KIRREL3: variants seen among roughly 807,000 people sequenced by gnomAD.
The protein encoded by KIRREL3 is kin of IRRE-like protein 3.
Under a neutral mutation model 89.7 loss-of-function variants are expected in KIRREL3, and 36 were observed. The ratio of observed to expected loss-of-function variants is 0.40; its 90% CI spans 0.31 to 0.53. The LOEUF (loss-of-function observed/expected upper bound fraction) is 0.53. Among genes scored for constraint, KIRREL3 ranks in the 20% least tolerant of loss-of-function variants. The pLI is 0.49. For synonymous variants in KIRREL3, 445 were observed against 441.4 expected, an observed-to-expected ratio of 1.01 and a Z score of -0.10; for missense variants, 864 against 1,056.6, an observed-to-expected ratio of 0.82 and a Z score of 2.53.
At chr11:126,854,542 T>C (rs1042414252) in intron 1 of KIRREL3, among the ~76,000 whole-genome samples, 1 of 152,240 alleles carries the variant, frequency 6.6e-6, no homozygotes, top group South Asian at 2.1e-4. Context: ...TGTTGTAGCA[T>C]GGGCCAGAAT....
chr11:126,520,871 C>T lies in KIRREL3; in HGVS notation c.433+444G>A, dbSNP rs553140204. 9.9e-5 allele frequency among the ~76,000 whole-genome samples: 15 copies of T among 152,140 alleles called. No homozygotes were observed. The highest frequency in any genetic ancestry group is 5.8e-4 in the East Asian group (3 of 5,170). ...TGGATACTAGAATCATGGGGAGAAT[C>T]GGGCTGATTCTACAGAGAAGGTGGA... On this transcript the variant is annotated intron_variant, in intron 4 of 16. Transcript: ENST00000525144. The surrounding 1 kb of genome is among the most constrained non-coding windows in gnomAD (Gnocchi z 4.9).
rs1957537909 is a variant in KIRREL3, at chr11:126,492,186, C to T, written c.434-18720G>A. Among the ~76,000 whole-genome samples the T allele has an allele frequency of 6.6e-6, 1 of 152,166 alleles. No individual in the cohort carries two copies. The highest frequency in any genetic ancestry group is 1.5e-5 in the Non-Finnish European group (1 of 68,030). On this transcript the variant is annotated intron_variant, in intron 4 of 16. Transcript: ENST00000525144. This position sits in a 1 kb window ranked among gnomAD's most constrained non-coding sequence, Gnocchi z 4.8. ...GATGATCTATAGACAGTCTCCTCTT[C>T]ACTGAAAGGGGAAGATGGGCTCAGG...
intron 1 of KIRREL3, among the ~76,000 whole-genome samples, chr11:126,784,157 G>A (rs1950411925): frequency 6.6e-6 from 1 of 152,190 alleles, no homozygotes; most frequent in Non-Finnish European, 1.5e-5. Flanking sequence ...GTGGTATCCT[G>A]GATGAGCCCC....
chr11:126,671,740 A>T (rs1945961520), intron 1 of KIRREL3, among the ~76,000 whole-genome samples: 1 of 152,146 alleles, frequency 6.6e-6, no homozygotes, highest in Non-Finnish European at 1.5e-5. Context: ...ACCTCTACAC[A>T]CCTCTTAGCA....
chr11:126,660,908 C>G (rs565913676), intron 1 of KIRREL3, among the ~76,000 whole-genome samples: 1 of 152,222 alleles, frequency 6.6e-6, no homozygotes, highest in South Asian at 2.1e-4. Flanking sequence ...TTTGCTTTGA[C>G]TTTTGCAGAG....
chr11:126,703,113 G>T lies in KIRREL3; in HGVS notation c.56-140201C>A, dbSNP rs777520734. On this transcript the variant is annotated intron_variant, in intron 1 of 16. Transcript: ENST00000525144. This position sits in a 1 kb window ranked among gnomAD's most constrained non-coding sequence, Gnocchi z 4.6. Reference sequence around the variant, plus strand: ...TTCTCTGGGCTGTGAATCCTGGTCAGGTGGGGGTGGCTGGGCTGGGGCAGG... The same window carrying T: ...TTCTCTGGGCTGTGAATCCTGGTCATGTGGGGGTGGCTGGGCTGGGGCAGG... Among the ~76,000 whole-genome samples, 11 of 152,236 alleles carry T rather than the reference G, an allele frequency of 7.2e-5. No homozygotes were observed. Among genetic ancestry groups the T allele is most frequent in the Non-Finnish European group, 1.5e-4 (10 of 68,042 alleles).
chr11:126,699,564 G>C (rs946053218), intron 1 of KIRREL3, among the ~76,000 whole-genome samples: 1 of 152,124 alleles, frequency 6.6e-6, no homozygotes, highest in Non-Finnish European at 1.5e-5. Context: ...TAATTCAATA[G>C]ATTATAATTA....
Position 126,705,142 on chromosome 11 carries a change from A to T in KIRREL3, c.56-142230T>A, listed in dbSNP as rs1277830255. Among the ~76,000 whole-genome samples the T allele has an allele frequency of 6.6e-6, 1 of 152,274 alleles. No individual in the cohort carries two copies. Among genetic ancestry groups the T allele is most frequent in the Non-Finnish European group, 1.5e-5 (1 of 68,056 alleles). ...ACACATTTATAGTAAGAATACAAAC[A>T]GTACAAAGATGTCAGTCCTTTTCTA... On this transcript the variant is annotated intron_variant, in intron 1 of 16. Coordinates refer to ENST00000525144, the MANE Select transcript of KIRREL3 (RefSeq NM_032531.4). This position sits in a 1 kb window ranked among gnomAD's most constrained non-coding sequence, Gnocchi z 4.3.
rs551240278 is a variant in KIRREL3 at position 126,974,927 on chromosome 11, T to A, written c.55+25528A>T. Among the ~76,000 whole-genome samples the A allele has an allele frequency of 2.0e-5, 3 of 152,270 alleles. No individual in the cohort carries two copies. The East Asian group carries it at 5.8e-4, about 29-fold the overall frequency. On this transcript the variant is annotated intron_variant, in intron 1 of 16. Transcript: ENST00000525144. ...TGACTTATTTATTTATGTATGTATT[T>A]ATTTATGATGGAGTCTTGCTCTGTC... is the stretch of plus-strand genomic sequence containing the variant.
rs539075758 is a variant in KIRREL3, at chr11:126,541,567, G to T, written c.134-14880C>A. 6.6e-6 allele frequency among the ~76,000 whole-genome samples: 1 copy of T among 152,152 alleles called. No homozygotes were observed. Among genetic ancestry groups the T allele is most frequent in the African/African-American group, 2.4e-5 (1 of 41,438 alleles). On this transcript the variant is annotated intron_variant, in intron 2 of 16. Coordinates refer to ENST00000525144, the MANE Select transcript of KIRREL3 (RefSeq NM_032531.4). This position sits in a 1 kb window ranked among gnomAD's most constrained non-coding sequence, Gnocchi z 4.8. ...TGCTATAGCCTTGTCAGTCAGAGAC[G>T]GTTCTAAAACTTCCATGTGCATGAG...
At chr11:126,618,733 G>A (rs1233647142) in intron 1 of KIRREL3, among the ~76,000 whole-genome samples, 1 of 152,184 alleles carries the variant, frequency 6.6e-6, no homozygotes, top group Admixed American at 6.5e-5. Flanking sequence ...CCTAGTTTCA[G>A]ATATTTCATT....
At chr11:126,444,529 G>T (rs12286697) in intron 10 of KIRREL3, among the ~76,000 whole-genome samples, 1,580 of 152,306 alleles carry the variant, frequency 0.01, 24 homozygotes, top group African/African-American at 0.032. Flanking sequence ...GGAAGGTGAG[G>T]TTGCAGTGAG....
intron 1 of KIRREL3, among the ~76,000 whole-genome samples, chr11:126,591,767 C>A (rs1942144827): frequency 6.6e-6 from 1 of 152,230 alleles, no homozygotes; most frequent in Admixed American, 6.5e-5. Flanking sequence ...CTCTTTACAG[C>A]TCATACCGTG....
At position 126,476,789 on chromosome 11, in the gene KIRREL3, A is replaced by G. The variant is rs965794170; in HGVS notation, c.434-3323T>C. Among the ~76,000 whole-genome samples the G allele has an allele frequency of 6.6e-6, 1 of 152,144 alleles. No individual in the cohort carries two copies. Among genetic ancestry groups the G allele is most frequent in the Non-Finnish European group, 1.5e-5 (1 of 68,028 alleles). The stretch of plus-strand genomic sequence containing the variant: ...GGGGCTCCTCATTACCTCCCCATTC[A>G]GACTCGGCCAGGCTGGGCCAGGCAG... On this transcript the variant is annotated intron_variant, in intron 4 of 16. Transcript: ENST00000525144. This position sits in a 1 kb window ranked among gnomAD's most constrained non-coding sequence, Gnocchi z 6.4.
At position 126,830,339 on chromosome 11, in the gene KIRREL3, A is replaced by T. The variant is rs564451448; in HGVS notation, c.55+170116T>A. On this transcript the variant is annotated intron_variant, in intron 1 of 16. Coordinates refer to ENST00000525144, the MANE Select transcript of KIRREL3 (RefSeq NM_032531.4). This position sits in a 1 kb window ranked among gnomAD's most constrained non-coding sequence, Gnocchi z 4.9. ...TTGCCACTTTCCATCCTCCTGCTTC[A>T]TAAGTATGAACAGCATCATTACCAA... 6.6e-6 allele frequency among the ~76,000 whole-genome samples: 1 copy of T among 152,204 alleles called. No homozygotes were observed. Among genetic ancestry groups the T allele is most frequent in the African/African-American group, 2.4e-5 (1 of 41,446 alleles).
At chr11:126,743,305 G>T (rs1441981730) in intron 1 of KIRREL3, among the ~76,000 whole-genome samples, 1 of 152,164 alleles carries the variant, frequency 6.6e-6, no homozygotes, top group Non-Finnish European at 1.5e-5. Flanking sequence ...CTTCATGTTA[G>T]TCTATCTACA....
intron 1 of KIRREL3, among the ~76,000 whole-genome samples, chr11:126,613,308 A>G (rs1021279214): frequency 2.0e-5 from 3 of 152,086 alleles, no homozygotes; most frequent in Non-Finnish European, 4.4e-5. Flanking sequence ...AGGTTAGATG[A>G]TTTTCTCCAA....
At chr11:126,790,334 G>A (rs1181402875) in intron 1 of KIRREL3, among the ~76,000 whole-genome samples, 1 of 152,222 alleles carries the variant, frequency 6.6e-6, no homozygotes, top group Admixed American at 6.5e-5. Flanking sequence ...AAGGCCCAGA[G>A]CCTTGGATTC....
intron 1 of KIRREL3, among the ~76,000 whole-genome samples, chr11:126,939,182 A>G (rs1033776562): frequency 6.6e-6 from 1 of 152,194 alleles, no homozygotes; most frequent in Non-Finnish European, 1.5e-5. Context: ...AAACCAGTTC[A>G]GAGAAATTTG....
Sources: gnomAD v4.1 joint callset for allele counts (sites outside exome capture counted in the v4.1 genomes callset) on GRCh38, gnomAD v4.1.1 for gene constraint, Gnocchi (gnomAD v3.1) non-coding constraint, MANE v1.5 for transcripts, NCBI Gene and HGNC (gene_info 2026-07-23, HGNC 2026-07-21) for gene names.